The following SYT3 variants were observed in gnomAD, a reference collection of about 807,000 sequenced individuals.
SYT3 encodes the protein synaptotagmin-3.
A neutral mutation model predicts 50.6 loss-of-function variants in SYT3; 25 were observed. The ratio of observed to expected loss-of-function variants is 0.49; its 90% CI spans 0.36 to 0.69. The LOEUF (loss-of-function observed/expected upper bound fraction) is 0.69, where lower values mean the gene tolerates loss of function less well. Among genes scored for constraint, SYT3 ranks in the 30% least tolerant of loss-of-function variants. The pLI is 0.00. For missense variants in SYT3, 589 were observed against 793.6 expected, an observed-to-expected ratio of 0.74 and a Z score of 3.10; for synonymous variants, 323 against 353.9, an observed-to-expected ratio of 0.91 and a Z score of 0.98.
intron 4 of SYT3, among the ~76,000 whole-genome samples, chr19:50,630,554 C>A (rs1984265875): frequency 6.6e-6 from 1 of 152,136 alleles, no homozygotes; most frequent in East Asian, 1.9e-4. Context: ...TCCCGAGTAA[C>A]TGGGATTACA....
chr19:50,655,576 G>A, the SYT3 span, among the ~76,000 whole-genome samples: 1 of 151,928 alleles, frequency 6.6e-6, no homozygotes, highest in Non-Finnish European at 1.5e-5. Flanking sequence ...GTGAACCCGG[G>A]AGGCAGAGCT....
At chr19:50,633,656 T>C (rs952238607) in intron 3 of SYT3, among the ~76,000 whole-genome samples, 5 of 152,214 alleles carry the variant, frequency 3.3e-5, no homozygotes, top group Non-Finnish European at 7.3e-5. Context: ...TACAGTAGTT[T>C]GAAGGAATGC....
At chr19:50,623,613 C>CAAAAAAAAAAAAAAAAAAA (rs529397903) in intron 9 of SYT3, among the ~76,000 whole-genome samples, 25 of 91,620 alleles carry the variant, frequency 2.7e-4, no homozygotes, top group Non-Finnish European at 3.9e-4. Flanking sequence ...CCTGTCTCTA[C>CAAAAAAAAAAAAAAAAAAA]AAAAAAAAAA....
chr19:50,626,241 C>A, intron 6 of SYT3: 1 of 536,896 alleles, frequency 1.9e-6, no homozygotes, highest in Non-Finnish European at 3.1e-6. Context: ...TTGGAAGAAG[C>A]ATGAGTGAGG....
chr19:50,632,166 CAGGAGTCAATA>C lies in SYT3; in HGVS notation c.674+109_674+119del. On this transcript the variant is annotated intron_variant, in intron 4 of 10. Coordinates refer to ENST00000600079, the MANE Select transcript of SYT3 (RefSeq NM_001160329.2). This position sits in a 1 kb window ranked among gnomAD's most constrained non-coding sequence, Gnocchi z 4.7. ...CCCAGCCTCCTCTTTCCCTAAGATC[CAGGAGTCAATA>C]CCCCGATTCCCCTCCAAATCCCGAA... The C allele has an allele frequency of 8.7e-7, 1 of 1,145,560 alleles. No individual in the cohort carries two copies. Among genetic ancestry groups the C allele is most frequent in the Non-Finnish European group, 1.2e-6 (1 of 820,346 alleles). The allele number at this position is 1,145,560 out of a possible 1,614,324, so 71.0% of individuals were successfully genotyped here. A position where few individuals can be genotyped will look rare whatever the true frequency, so the allele number is the denominator to read the frequency against.
chr19:50,631,308 G>A (rs1184498813), intron 4 of SYT3, among the ~76,000 whole-genome samples: 4 of 151,504 alleles, frequency 2.6e-5, no homozygotes, highest in African/African-American at 9.7e-5. Flanking sequence ...ACACAACCAT[G>A]CCCGGCTATT....
rs1464336203 is a variant in SYT3 at position 50,637,555 on chromosome 19, TA to T, written c.-15-130del. On this transcript the variant is annotated intron_variant, in intron 2 of 10. Coordinates refer to ENST00000600079, the MANE Select transcript of SYT3 (RefSeq NM_001160329.2). This position sits in a 1 kb window ranked among gnomAD's most constrained non-coding sequence, Gnocchi z 4.9. ...AAGGATGGGCAAAGGGGACAGAGATTAGGGGCAGATGGATTAGGGATGGAGA... is the reference window on the plus strand; with the variant it reads ...AAGGATGGGCAAAGGGGACAGAGATTGGGGCAGATGGATTAGGGATGGAGA... 4.1e-5 allele frequency: 29 copies of T among 704,782 alleles called. No individual in the cohort carries two copies. The highest frequency in any genetic ancestry group is 2.5e-4 in the Middle Eastern group (1 of 3,984). The allele number at this position is 704,782 out of a possible 1,614,324, so 43.7% of individuals were successfully genotyped here.
At chr19:50,631,443 C>T (rs1984303510) in intron 4 of SYT3, among the ~76,000 whole-genome samples, 1 of 152,164 alleles carries the variant, frequency 6.6e-6, no homozygotes, top group Admixed American at 6.5e-5. Context: ...GGATTACAGG[C>T]ATGAGCCACT....
Position 50,630,174 on chromosome 19 carries a change from G to T in SYT3, c.675-3C>A. On this transcript the variant is annotated splice_region_variant and splice_polypyrimidine_tract_variant and intron_variant, in intron 4 of 10. Transcript: ENST00000600079. ...GGGGTCGGGGCAGGGCTGGGTACCT[G>T]TAGGGGGTTGGGGGGAGACCAAGGT... 3 of 1,517,838 alleles carry T rather than the reference G, an allele frequency of 2.0e-6. No homozygotes were observed. The highest frequency in any genetic ancestry group is 2.1e-5 in the Admixed American group (1 of 46,632). 94.0% of individuals were successfully genotyped at this position (1,517,838 alleles called of 1,614,324 possible). A position where few individuals can be genotyped will look rare whatever the true frequency, so the allele number is the denominator to read the frequency against.
chr19:50,625,129 C>T lies in SYT3; in HGVS notation c.1707+33G>A. ...TGAAGGGGCCGAGGGTGCACGGGTGCTTGTCAGGGGTCGGTGTGGGACCCC... is the reference window on the plus strand; with the variant it reads ...TGAAGGGGCCGAGGGTGCACGGGTGTTTGTCAGGGGTCGGTGTGGGACCCC... On this transcript the variant is annotated intron_variant, in intron 9 of 10. Transcript: ENST00000600079. This position sits in a 1 kb window ranked among gnomAD's most constrained non-coding sequence, Gnocchi z 7.5. The T allele has an allele frequency of 3.3e-6, 5 of 1,532,218 alleles. No individual in the cohort carries two copies. The highest frequency in any genetic ancestry group is 4.4e-6 in the Non-Finnish European group (5 of 1,144,800). 94.9% of individuals were successfully genotyped at this position (1,532,218 alleles called of 1,614,324 possible). A position where few individuals can be genotyped will look rare whatever the true frequency, so the allele number is the denominator to read the frequency against.
intron 9 of SYT3, among the ~76,000 whole-genome samples, chr19:50,624,497 A>G (rs1369414833): frequency 6.6e-6 from 1 of 151,056 alleles, no homozygotes; most frequent in Non-Finnish European, 1.5e-5. Context: ...CTTGTTTTCT[A>G]TTGAGAGAAT....
chr19:50,625,290 C>G lies in SYT3; in HGVS notation c.1579G>C (p.Gly527Arg). The G allele has an allele frequency of 4.6e-6, 7 of 1,535,952 alleles. No homozygotes were observed. Among genetic ancestry groups the G allele is most frequent in the Non-Finnish European group, 6.1e-6 (7 of 1,143,694 alleles). Reference sequence around the variant, plus strand: ...CACACGCCGATCACCTCGTTGTGCCCGATGCTGGGGGTTGGGGTCAGTGAG... The same window carrying G: ...CACACGCCGATCACCTCGTTGTGCCGGATGCTGGGGGTTGGGGTCAGTGAG... ...SIAVVDYDCI[G>R]HNEVIGVCRV... Residue 527 changes from glycine to arginine, a missense_variant, in exon 9 of 11, where the codon GGG becomes CGG. This residue lies in a region of SYT3 where 273 missense variants were observed against 439.3 expected (regional missense o/e 0.62). Transcript: ENST00000600079. This position sits in a 1 kb window ranked among gnomAD's most constrained non-coding sequence, Gnocchi z 7.5.
chr19:50,657,433 C>G, the SYT3 span, among the ~76,000 whole-genome samples: 9 of 152,216 alleles, frequency 5.9e-5, no homozygotes, highest in South Asian at 2.1e-4. Flanking sequence ...GCTATGACAA[C>G]TGTTATCACC....
chr19:50,630,311 G>T, intron 4 of SYT3, 140 bp from the exon 5 acceptor site: 1 of 835,338 alleles, frequency 1.2e-6, no homozygotes, highest in Non-Finnish European at 1.8e-6. Flanking sequence ...TGCTCACTGT[G>T]TGAGCTTGAG....
upstream of SYT3, among the ~76,000 whole-genome samples, chr19:50,640,999 C>G (rs952413961): frequency 1.3e-5 from 2 of 151,832 alleles, no homozygotes; most frequent in Non-Finnish European, 2.9e-5. Context: ...TGGGAGGATC[C>G]CTTGAAGCCA....
At chr19:50,638,564 A>G (rs1337730470) in intron 2 of SYT3, among the ~76,000 whole-genome samples, 1 of 152,100 alleles carries the variant, frequency 6.6e-6, no homozygotes, top group Non-Finnish European at 1.5e-5. Flanking sequence ...TCAAGGATTG[A>G]GACTTGGGAT....
At position 50,637,446 on chromosome 19, in the gene SYT3, G is replaced by T; in HGVS notation, c.-15-20C>A. ...CTGGTCCTGTGTGTGGGAGGGATGG[G>T]GCAAGGGTGCAGATGGGAAACAGAA... On this transcript the variant is annotated intron_variant, in intron 2 of 10. Transcript: ENST00000600079. This position sits in a 1 kb window ranked among gnomAD's most constrained non-coding sequence, Gnocchi z 4.9. 6.4e-7 allele frequency: 1 copy of T among 1,573,714 alleles called. No homozygotes were observed.
At chr19:50,657,678 T>C in the SYT3 span, among the ~76,000 whole-genome samples, 1 of 152,238 alleles carries the variant, frequency 6.6e-6, no homozygotes, top group Non-Finnish European at 1.5e-5. Flanking sequence ...TTTTGGTAGA[T>C]TCGTAAAGTT....
At position 50,632,505 on chromosome 19, in the gene SYT3, C is replaced by G. The variant is rs762108460; in HGVS notation, c.455G>C (p.Gly152Ala). 1.9e-6 allele frequency: 3 copies of G among 1,611,386 alleles called. No individual in the cohort carries two copies. In the Admixed American group the frequency reaches 5.0e-5, roughly 27 times the overall value. The change falls in exon 4 of 11, where the codon GGG becomes GCG. Residue 152 changes from glycine to alanine, a missense_variant. Coordinates refer to ENST00000600079, the MANE Select transcript of SYT3 (RefSeq NM_001160329.2). This position sits in a 1 kb window ranked among gnomAD's most constrained non-coding sequence, Gnocchi z 4.7. ...GGAGGGCTCAGGGGTGTCAGAACCCCCCAGGCTGCCTGGCTCCAGCAGCTC... is the reference window on the plus strand; with the variant it reads ...GGAGGGCTCAGGGGTGTCAGAACCCGCCAGGCTGCCTGGCTCCAGCAGCTC... ...FAELLEPGSL[G>A]GSDTPEPSYL...
Sources: gnomAD v4.1 joint callset for allele counts (sites outside exome capture counted in the v4.1 genomes callset) on GRCh38, gnomAD v4.1.1 for gene constraint, gnomAD v4.1.1 regional missense constraint, Gnocchi (gnomAD v3.1) non-coding constraint, MANE v1.5 for transcripts, NCBI Gene and HGNC (gene_info 2026-07-23, HGNC 2026-07-21) for gene names.